The following A2M variants were observed in gnomAD, a reference collection of about 807,000 sequenced individuals.
A2M encodes alpha-2-macroglobulin.
In A2M, 128 loss-of-function variants were observed where a neutral mutation model predicts 183.9. The observed-to-expected ratio is 0.70, with a 90% CI of 0.60 to 0.81. The LOEUF (loss-of-function observed/expected upper bound fraction) is 0.81. Ranked by LOEUF, A2M falls within the 30% of genes least tolerant of loss-of-function variation. The pLI is 0.00. For synonymous variants in A2M, 592 were observed against 670.8 expected (o/e 0.88, Z 1.81); for missense variants, 1,495 against 1,787.6 (o/e 0.84, Z 2.95).
chr12:9,074,498 C>T, intron 29 of A2M, 62 bp downstream of exon 29: 15 of 1,475,658 alleles, frequency 1.0e-5, no homozygotes, highest in Non-Finnish European at 1.4e-5. Context: ...GTGTTTGTTT[C>T]TTTTTCATTC....
chr12:9,092,501 C>T (rs1949243780), intron 18 of A2M, among the ~76,000 whole-genome samples: 1 of 152,114 alleles, frequency 6.6e-6, no homozygotes, highest in Non-Finnish European at 1.5e-5. Context: ...AAACAGCCTG[C>T]ATCTGGGAGT....
intron 22 of A2M, among the ~76,000 whole-genome samples, chr12:9,084,329 A>T (rs1948993069): frequency 6.6e-6 from 1 of 152,206 alleles, no homozygotes; most frequent in South Asian, 2.1e-4. Context: ...AAGCAATTTT[A>T]TCTCTAGTAC....
intron 1 of A2M, 182 bp downstream of exon 1, chr12:9,115,582 T>G (rs1041445372): frequency 1.3e-5 from 7 of 554,102 alleles, no homozygotes; most frequent in Non-Finnish European, 1.9e-5. Context: ...CTTCAGAGAG[T>G]TGGGGAAGAA....
Position 9,095,642 on chromosome 12 carries a change from T to G in A2M, c.1910A>C (p.Gln637Pro). The G allele has an allele frequency of 1.9e-6, 3 of 1,612,748 alleles. No homozygotes were observed. Residue 637 changes from glutamine (Q) to proline (P), a missense_variant, in exon 16 of 36, where the codon CAG becomes CCG. Physicochemically the swap from Gln to Pro is moderately conservative, Grantham distance 76. Transcript: ENST00000318602. ...LTGFPGPLNDQDNEDCINRHN... is the reference protein window; with the variant it reads ...LTGFPGPLNDPDNEDCINRHN... ...ACGATTGATGCAGTCTTCATTGTCC[T>G]GGTCATTCAAAGGCCCAGGGAAGCC...
intron 31 of A2M, among the ~76,000 whole-genome samples, chr12:9,070,922 G>A (rs1222659234): frequency 1.3e-5 from 2 of 151,890 alleles, no homozygotes; most frequent in Non-Finnish European, 2.9e-5. Context: ...CTGGGTTCAA[G>A]TGATTCTCCT....
chr12:9,082,143 A>G (rs1475350984), intron 22 of A2M, among the ~76,000 whole-genome samples: 1 of 152,220 alleles, frequency 6.6e-6, no homozygotes, highest in Non-Finnish European at 1.5e-5. Flanking sequence ...AACTCAGCCA[A>G]AACCTCACTC....
intron 22 of A2M, among the ~76,000 whole-genome samples, chr12:9,084,880 A>T (rs1949009530): frequency 6.6e-6 from 1 of 152,124 alleles, no homozygotes; most frequent in South Asian, 2.1e-4. Context: ...AGGGGTAGCT[A>T]TACTTATATT....
In A2M at chr12:9,073,014, A is replaced by G. The variant is rs189919347; in HGVS notation, c.3757-143T>C. ...TATAGGAGCTGTAATTTCAAGATTG[A>G]TTATAATCTTTAGATAGTTGAAGAA... On this transcript the variant is annotated intron_variant, in intron 29 of 35. Transcript: ENST00000318602. 1.6e-3 allele frequency: 1,014 copies of G among 640,128 alleles called. 4 individuals are homozygous for G. Among genetic ancestry groups the G allele is most frequent in the East Asian group, 9.4e-3 (343 of 36,592 alleles). 39.7% of individuals were successfully genotyped at this position (640,128 alleles called of 1,614,324 possible).
intron 20 of A2M, 51 bp from the exon 21 acceptor site, chr12:9,090,074 C>T: frequency 6.4e-7 from 1 of 1,557,152 alleles, no homozygotes; most frequent in South Asian, 1.2e-5. Flanking sequence ...TTCCTCCATG[C>T]CTCCAAACTC....
chr12:9,092,222 A>G (rs1202891056), intron 18 of A2M, among the ~76,000 whole-genome samples: 1 of 152,082 alleles, frequency 6.6e-6, no homozygotes, highest in Non-Finnish European at 1.5e-5. Flanking sequence ...CCAGGTCTGA[A>G]CATACCCCTG....
chr12:9,069,499 G>A (rs1026105118), intron 33 of A2M, among the ~76,000 whole-genome samples: 1 of 152,004 alleles, frequency 6.6e-6, no homozygotes. Context: ...AACACATTTT[G>A]TGAAGATTTC....
intron 10 of A2M, 41 bp from the exon 11 acceptor site, chr12:9,104,441 C>T (rs1212278125): frequency 2.6e-6 from 4 of 1,539,000 alleles, no homozygotes; most frequent in Non-Finnish European, 3.5e-6. Flanking sequence ...TTGGTAATAA[C>T]TAATAGGCAC....
intron 2 of A2M, 49 bp downstream of exon 2, chr12:9,113,311 G>C: frequency 6.3e-7 from 1 of 1,590,162 alleles, no homozygotes; most frequent in Non-Finnish European, 8.6e-7. Context: ...AGATCCCTAT[G>C]ACCCTGACTA....
chr12:9,101,036 T>G lies in A2M; in HGVS notation c.1558+108A>C, dbSNP rs772411691. ...ATTCATGTGACCAAACACCACCTGTTCCCCCAAAAACCTATGGAAAAAAAG... is the reference window on the plus strand; with the variant it reads ...ATTCATGTGACCAAACACCACCTGTGCCCCCAAAAACCTATGGAAAAAAAG... On this transcript the variant is annotated intron_variant, in intron 13 of 35. Coordinates refer to ENST00000318602, the MANE Select transcript of A2M (RefSeq NM_000014.6). 7.3e-5 allele frequency: 74 copies of G among 1,009,254 alleles called. No individual in the cohort carries two copies. The Admixed American group carries it at 1.7e-3, about 24-fold the overall frequency. The allele number at this position is 1,009,254 out of a possible 1,614,324, so 62.5% of individuals were successfully genotyped here. A position where few individuals can be genotyped will look rare whatever the true frequency, so the allele number is the denominator to read the frequency against.
rs761435048 is a variant in A2M at position 9,089,244 on chromosome 12, C to G, written c.2726G>C (p.Gly909Ala). The change falls in exon 22 of 36, where the codon GGA (glycine) becomes GCA (alanine). Residue 909 changes from glycine to alanine, a missense_variant. Gly to Ala is a moderately conservative substitution (Grantham distance 60). Coordinates refer to ENST00000318602, the MANE Select transcript of A2M (RefSeq NM_000014.6). ...GTTGAATGTTGTTTCCTTCTCTAGT[C>G]CTTCAGGCTTTAGGTAAAAGAAAGA... is the stretch of plus-strand genomic sequence containing the variant. ...VIKPLLVEPEGLEKETTFNSL... is the reference protein window; with the variant it reads ...VIKPLLVEPEALEKETTFNSL... 1 of 1,585,964 alleles carries G rather than the reference C, an allele frequency of 6.3e-7. No individual in the cohort carries two copies. Among genetic ancestry groups the G allele is most frequent in the Non-Finnish European group, 8.6e-7 (1 of 1,164,026 alleles).
At chr12:9,089,104 A>G in intron 22 of A2M, 96 bp downstream of exon 22, 2 of 982,970 alleles carry the variant, frequency 2.0e-6, no homozygotes, top group Non-Finnish European at 3.0e-6. Flanking sequence ...TTCAGGTCTT[A>G]GATCACAGAG....
In A2M at chr12:9,106,598, C is replaced by A. The variant is rs754363702; in HGVS notation, c.887G>T (p.Ser296Ile). ...FCEKFSGQLNSHGCFYQQVKT... is the reference protein window; with the variant it reads ...FCEKFSGQLNIHGCFYQQVKT... Reference sequence around the variant, plus strand: ...TACTTGCTGATAGAAGCAGCCATGGCTGTTTAGCTAAGAAGGGAGAAAATA... The same window carrying A: ...TACTTGCTGATAGAAGCAGCCATGGATGTTTAGCTAAGAAGGGAGAAAATA... Residue 296 changes from serine (S) to isoleucine (I), a missense_variant, in exon 9 of 36, where the codon AGC (serine) becomes ATC (isoleucine). Physicochemically the swap from Ser to Ile is moderately radical, Grantham distance 142. Coordinates refer to ENST00000318602, the MANE Select transcript of A2M (RefSeq NM_000014.6). 6.5e-7 allele frequency: 1 copy of A among 1,549,696 alleles called. No homozygotes were observed. The highest frequency in any genetic ancestry group is 1.4e-5 in the African/African-American group (1 of 73,830).
chr12:9,107,312 G>A (rs1412017329), intron 8 of A2M, among the ~76,000 whole-genome samples: 5 of 152,056 alleles, frequency 3.3e-5, no homozygotes, highest in African/African-American at 7.2e-5. Flanking sequence ...ATGGCTCAGT[G>A]TCTATCGTTC....
At chr12:9,092,293 C>T (rs1301525621) in intron 18 of A2M, among the ~76,000 whole-genome samples, 1 of 152,184 alleles carries the variant, frequency 6.6e-6, no homozygotes, top group Admixed American at 6.5e-5. Context: ...AAGGGTCTGG[C>T]TCCTAAATCA....
Sources: allele counts gnomAD v4.1 joint callset (sites outside exome capture counted in the v4.1 genomes callset), GRCh38; gene constraint gnomAD v4.1.1; transcripts MANE v1.5; gene names NCBI Gene and HGNC (gene_info 2026-07-23, HGNC 2026-07-21).